NR3C2: variants seen among roughly 807,000 people sequenced by gnomAD.
The protein encoded by NR3C2 is mineralocorticoid receptor.
In NR3C2, 15 loss-of-function variants were observed where a neutral mutation model predicts 86.4. That is an observed-to-expected ratio of 0.17 (90% CI 0.12 to 0.27). The LOEUF is 0.27. Ranked by LOEUF, NR3C2 falls within the 10% of genes least tolerant of loss-of-function variation. The pLI is 1.00. For missense variants in NR3C2, 960 were observed against 1,195.6 expected, an observed-to-expected ratio of 0.80 and a Z score of 2.91; for synonymous variants, 458 against 450.5, an observed-to-expected ratio of 1.02 and a Z score of -0.21.
intron 1 of NR3C2, among the ~76,000 whole-genome samples, chr4:148,437,527 T>C (rs1750138002): frequency 6.6e-6 from 1 of 152,242 alleles, no homozygotes; most frequent in Non-Finnish European, 1.5e-5. Context: ...CTATACATTC[T>C]GATAAAGATG....
chr4:148,423,705 C>CTAT (rs761858763), intron 2 of NR3C2, among the ~76,000 whole-genome samples: 8 of 152,024 alleles, frequency 5.3e-5, no homozygotes, highest in South Asian at 4.2e-4. Flanking sequence ...TGAAAATTGC[C>CTAT]TATTATTATT....
At chr4:148,102,193 C>G (rs1049486062) in intron 8 of NR3C2, among the ~76,000 whole-genome samples, 1 of 152,158 alleles carries the variant, frequency 6.6e-6, no homozygotes, top group South Asian at 2.1e-4. Context: ...AGCCACCTCC[C>G]CATTTGACCA....
chr4:148,119,477 A>G (rs1048338504), intron 7 of NR3C2, among the ~76,000 whole-genome samples: 26 of 152,246 alleles, frequency 1.7e-4, no homozygotes, highest in Middle Eastern at 3.4e-3. Context: ...CATCATAGTA[A>G]ATAATTACTT....
chr4:148,106,392 T>C lies in NR3C2; in HGVS notation c.2799+7712A>G, dbSNP rs150839859. Among the ~76,000 whole-genome samples the C allele has an allele frequency of 5.5e-3, 839 of 152,308 alleles. 17 individuals carry two copies. Among genetic ancestry groups the C allele is most frequent in the South Asian group, 0.052 (252 of 4,828 alleles). On this transcript the variant is annotated intron_variant, in intron 8 of 8. Transcript: ENST00000358102. ...CACAAACAAACGGAAAAACATTCCA[T>C]GCTCATGGATAGGAAGAACCAATAT...
At chr4:148,261,943 A>G (rs1212749804) in intron 2 of NR3C2, among the ~76,000 whole-genome samples, 2 of 152,236 alleles carry the variant, frequency 1.3e-5, no homozygotes, top group Admixed American at 1.3e-4. Flanking sequence ...CAAGGACTGA[A>G]ATAATGTTCT....
rs1732166594 is a variant in NR3C2, at chr4:148,114,105, T to G, written c.2798A>C (p.Asp933Ala). 1 of 1,613,160 alleles carries G rather than the reference T, an allele frequency of 6.2e-7. No homozygotes were observed. Among genetic ancestry groups the G allele is most frequent in the Non-Finnish European group, 8.5e-7 (1 of 1,179,750 alleles). ...QLTKLLDSMHDLVSDLLEFCF... is the reference protein window; with the variant it reads ...QLTKLLDSMHALVSDLLEFCF... ...GAACCAAGGAGGGGCTCTACTCACG[T>G]CATGCATGGAGTCCAGCAGCTTGGT... Residue 933 changes from aspartate (D) to alanine (A), a missense_variant and splice_region_variant, in exon 8 of 9, where the codon GAC becomes GCC. Physicochemically the swap from Asp to Ala is moderately radical, Grantham distance 126 (BLOSUM62 -2). Coordinates refer to ENST00000358102, the MANE Select transcript of NR3C2 (RefSeq NM_000901.5).
chr4:148,353,228 T>G (rs1440213193), intron 2 of NR3C2, among the ~76,000 whole-genome samples: 1 of 152,092 alleles, frequency 6.6e-6, no homozygotes, highest in Non-Finnish European at 1.5e-5. Context: ...GGCTTATAAT[T>G]AAAACCCTAC....
chr4:148,393,113 T>C (rs986585968), intron 2 of NR3C2, among the ~76,000 whole-genome samples: 1 of 152,220 alleles, frequency 6.6e-6, no homozygotes, highest in Non-Finnish European at 1.5e-5. Flanking sequence ...AAATTAGATT[T>C]CCCAGCAATT....
Position 148,166,994 on chromosome 4 carries a change from A to G in NR3C2, c.2015-12093T>C, listed in dbSNP as rs898709368. On this transcript the variant is annotated intron_variant, in intron 4 of 8. Transcript: ENST00000358102. ...TGATAGTACAGAAATTAAACAAAACAGTTTTCGTTTCTTCTCTCAAATTGT... is the reference window on the plus strand; with the variant it reads ...TGATAGTACAGAAATTAAACAAAACGGTTTTCGTTTCTTCTCTCAAATTGT... Among the ~76,000 whole-genome samples, 3 of 152,334 alleles carry G rather than the reference A, an allele frequency of 2.0e-5. No individual in the cohort carries two copies. The South Asian group carries it at 6.2e-4, about 32-fold the overall frequency.
intron 2 of NR3C2, among the ~76,000 whole-genome samples, chr4:148,409,148 G>A (rs968041503): frequency 3.3e-5 from 5 of 152,074 alleles, no homozygotes; most frequent in African/African-American, 1.2e-4. Context: ...ATTGCCAAAC[G>A]GCTTTCCAGA....
intron 4 of NR3C2, among the ~76,000 whole-genome samples, chr4:148,168,409 G>C (rs1734978367): frequency 6.6e-6 from 1 of 152,338 alleles, no homozygotes; most frequent in Non-Finnish European, 1.5e-5. Flanking sequence ...ATCTATTTTA[G>C]ATGAGAGGAA....
At chr4:148,344,668 GT>G (rs1296672592) in intron 2 of NR3C2, among the ~76,000 whole-genome samples, 1 of 152,102 alleles carries the variant, frequency 6.6e-6, no homozygotes, top group Non-Finnish European at 1.5e-5. Context: ...TTAGTGTGAG[GT>G]CAACATTACT....
chr4:148,180,185 T>C (rs1180954238), intron 4 of NR3C2, among the ~76,000 whole-genome samples: 1 of 151,812 alleles, frequency 6.6e-6, no homozygotes, highest in Non-Finnish European at 1.5e-5. Flanking sequence ...AGACCCACAC[T>C]GTGAGTTTTG....
chr4:148,257,515 A>G (rs1739891690), intron 3 of NR3C2, among the ~76,000 whole-genome samples: 1 of 152,206 alleles, frequency 6.6e-6, no homozygotes, highest in South Asian at 2.1e-4. Context: ...CTTTGGCCTT[A>G]GGATTAGGAA....
At chr4:148,440,403 A>C (rs974090354) in intron 1 of NR3C2, among the ~76,000 whole-genome samples, 1 of 152,252 alleles carries the variant, frequency 6.6e-6, no homozygotes, top group Non-Finnish European at 1.5e-5. Flanking sequence ...AATACTGAAA[A>C]TACTAGTCGA....
chr4:148,348,328 T>C (rs553173167), intron 2 of NR3C2, among the ~76,000 whole-genome samples: 15 of 152,284 alleles, frequency 9.9e-5, no homozygotes, highest in Admixed American at 6.5e-4. Context: ...ATTTACACTA[T>C]GTGATTTATG....
intron 2 of NR3C2, among the ~76,000 whole-genome samples, chr4:148,267,624 T>C (rs1740464542): frequency 6.6e-6 from 1 of 152,210 alleles, no homozygotes; most frequent in African/African-American, 2.4e-5. Context: ...TGCATATGGA[T>C]TTCAACATTT....
chr4:148,203,535 C>T (rs1204482497), intron 3 of NR3C2, among the ~76,000 whole-genome samples: 1 of 151,804 alleles, frequency 6.6e-6, no homozygotes, highest in Non-Finnish European at 1.5e-5. Flanking sequence ...ATGTCACTTA[C>T]ATAACCTTGT....
intron 2 of NR3C2, among the ~76,000 whole-genome samples, chr4:148,273,142 C>T (rs1284465719): frequency 6.6e-6 from 1 of 152,154 alleles, no homozygotes; most frequent in Non-Finnish European, 1.5e-5. Flanking sequence ...TACCTAAAGT[C>T]AGATGGATGA....
Sources: allele counts gnomAD v4.1 joint callset (sites outside exome capture counted in the v4.1 genomes callset), GRCh38; gene constraint gnomAD v4.1.1; transcripts MANE v1.5; gene names NCBI Gene and HGNC (gene_info 2026-07-23, HGNC 2026-07-21).